SEPTIN3: variants seen among roughly 807,000 people sequenced by gnomAD.
SEPTIN3 encodes neuronal-specific septin-3.
SEPTIN3 carries 15 observed loss-of-function variants against 45.1 expected under a neutral mutation model. The observed-to-expected ratio is 0.33, with a 90% CI of 0.22 to 0.51. The LOEUF is 0.51. SEPTIN3 is among the 20% of genes least tolerant of loss of function. The probability of loss-of-function intolerance (pLI) is 0.97; values close to 1 mark genes in which losing one functional copy is unlikely to be tolerated. For missense variants in SEPTIN3, 289 were observed against 457.2 expected, an observed-to-expected ratio of 0.63 and a Z score of 3.35; for synonymous variants, 148 against 164.8, an observed-to-expected ratio of 0.90 and a Z score of 0.78.
chr22:41,987,420 C>G (rs2078227358), intron 5 of SEPTIN3, 133 bp downstream of exon 5: 1 of 1,086,576 alleles, frequency 9.2e-7, no homozygotes, highest in East Asian at 2.5e-5. Flanking sequence ...CAGGCCAGGG[C>G]CCCTGGGGAG....
At chr22:41,982,263 C>T (rs1009495781) in intron 3 of SEPTIN3, 1 of 165,602 alleles carries the variant, frequency 6.0e-6, no homozygotes, top group Non-Finnish European at 1.3e-5. Context: ...AATCCCAGCA[C>T]TTTGGGAGGC....
intron 2 of SEPTIN3, 39 bp from the exon 3 acceptor site, chr22:41,981,606 C>G: frequency 6.4e-7 from 1 of 1,557,404 alleles, no homozygotes; most frequent in Non-Finnish European, 8.8e-7. Flanking sequence ...TGCCGTCCTC[C>G]TGATCACCCC....
chr22:41,976,942 G>A lies in SEPTIN3; in HGVS notation c.1504+3946G>A. On this transcript the variant is annotated intron_variant, in intron 2 of 11. Transcript: ENST00000644076. The surrounding 1 kb of genome is among the most constrained non-coding windows in gnomAD (Gnocchi z 5.8). ...GCCGCGGGCCGGGCGGGTGGGAGGAGAGCGCGAAGGGGCGAGGCCCGTTTG... is the reference window on the plus strand; with the variant it reads ...GCCGCGGGCCGGGCGGGTGGGAGGAAAGCGCGAAGGGGCGAGGCCCGTTTG... 2 of 792,572 alleles carry A rather than the reference G, an allele frequency of 2.5e-6. No individual in the cohort carries two copies. The highest frequency in any genetic ancestry group is 2.9e-5 in the South Asian group (1 of 33,952). The allele number at this position is 792,572 out of a possible 1,614,324, so 49.1% of individuals were successfully genotyped here. A position where few individuals can be genotyped will look rare whatever the true frequency, so the allele number is the denominator to read the frequency against.
rs1188266577 is a variant in SEPTIN3 at position 41,989,803 on chromosome 22, A to G, written c.2163+119A>G. ...CACCCCCACCCTCAACCCTCCCCCA[A>G]TTCTCCACCCCAGCCCCCTTCTTAA... On this transcript the variant is annotated intron_variant, in intron 7 of 11. Coordinates refer to ENST00000644076, the MANE Select transcript of SEPTIN3 (RefSeq NM_001363845.2). 7.6e-6 allele frequency: 5 copies of G among 661,060 alleles called. 1 individual carries two copies. Among genetic ancestry groups the G allele is most frequent in the South Asian group, 7.4e-5 (4 of 54,196 alleles). The allele number at this position is 661,060 out of a possible 1,614,324, so 40.9% of individuals were successfully genotyped here. A position where few individuals can be genotyped will look rare whatever the true frequency, so the allele number is the denominator to read the frequency against.
At chr22:41,983,580 T>C (rs1602415228) in intron 3 of SEPTIN3, among the ~76,000 whole-genome samples, 1 of 152,212 alleles carries the variant, frequency 6.6e-6, no homozygotes, top group South Asian at 2.1e-4. Flanking sequence ...CCATCTAGCA[T>C]TGTACTCCTC....
At chr22:41,982,655 G>A (rs191654591) in intron 3 of SEPTIN3, among the ~76,000 whole-genome samples, 29 of 152,218 alleles carry the variant, frequency 1.9e-4, no homozygotes, top group Middle Eastern at 6.9e-3. Context: ...TTGGGAGGCC[G>A]AGGTGGGTGG....
chr22:41,984,845 C>CTTTTTT (rs11380985), intron 3 of SEPTIN3, among the ~76,000 whole-genome samples: 21 of 100,688 alleles, frequency 2.1e-4, no homozygotes, highest in East Asian at 4.7e-4. Context: ...GTGGTTTTCC[C>CTTTTTT]TTTTTTTTTT....
Position 41,991,492 on chromosome 22 carries a change from A to C in SEPTIN3, c.2164-81A>C, listed in dbSNP as rs1051583382. On this transcript the variant is annotated intron_variant, in intron 7 of 11. Coordinates refer to ENST00000644076, the MANE Select transcript of SEPTIN3 (RefSeq NM_001363845.2). ...AGGCTGGATTTGGCTCTCTGACCTCAGCTCACGCACACAGGTGCACACACC... is the reference window on the plus strand; with the variant it reads ...AGGCTGGATTTGGCTCTCTGACCTCCGCTCACGCACACAGGTGCACACACC... 1.3e-5 allele frequency: 13 copies of C among 1,002,034 alleles called. No homozygotes were observed. In the Admixed American group the frequency reaches 2.1e-4, roughly 16 times the overall value. The allele number at this position is 1,002,034 out of a possible 1,614,324, so 62.1% of individuals were successfully genotyped here.
At chr22:41,989,126 CAAAA>C (rs71184854) in intron 6 of SEPTIN3, among the ~76,000 whole-genome samples, 7 of 88,586 alleles carry the variant, frequency 7.9e-5, no homozygotes, top group Admixed American at 1.3e-4. Context: ...GACCCTGTCT[CAAAA>C]AAAAAAAAAA....
intron 2 of SEPTIN3, among the ~76,000 whole-genome samples, chr22:41,975,281 C>A (rs928501731): frequency 6.6e-6 from 1 of 152,200 alleles, no homozygotes; most frequent in African/African-American, 2.4e-5. Context: ...TTGTTAAAAT[C>A]TCTACTTTGG....
chr22:41,992,617 A>G, intron 8 of SEPTIN3, 47 bp from the exon 9 acceptor site: 1 of 1,289,604 alleles, frequency 7.8e-7, no homozygotes. Context: ...AGGTTGTTGG[A>G]GGATGACGGT....
intron 4 of SEPTIN3, among the ~76,000 whole-genome samples, chr22:41,986,606 TCTC>T (rs1446277362): frequency 1.3e-5 from 2 of 152,020 alleles, no homozygotes; most frequent in Non-Finnish European, 2.9e-5. Context: ...TTCACGCCAT[TCTC>T]CTGCCTCAGC....
At chr22:41,980,038 C>T (rs1009431840) in intron 2 of SEPTIN3, among the ~76,000 whole-genome samples, 2 of 151,818 alleles carry the variant, frequency 1.3e-5, no homozygotes, top group Non-Finnish European at 2.9e-5. Flanking sequence ...TTCCTTTAAC[C>T]AATGCTTTCA....
intron 2 of SEPTIN3, among the ~76,000 whole-genome samples, chr22:41,978,075 C>A (rs1007811611): frequency 5.9e-5 from 9 of 152,192 alleles, no homozygotes; most frequent in African/African-American, 2.2e-4. Flanking sequence ...CTCTTCCCCA[C>A]CCTTGGGGAG....
Position 41,994,608 on chromosome 22 carries a change from C to T in SEPTIN3, c.2412-13C>T. ...TAATTGCAGCCCTCTTCTTCTCACC[C>T]TGTGTCCTCTAGGACCCACCTCCAG... On this transcript the variant is annotated splice_polypyrimidine_tract_variant and intron_variant, in intron 10 of 11. Coordinates refer to ENST00000644076, the MANE Select transcript of SEPTIN3 (RefSeq NM_001363845.2). This position sits in a 1 kb window ranked among gnomAD's most constrained non-coding sequence, Gnocchi z 4.2. The T allele has an allele frequency of 6.2e-7, 1 of 1,614,034 alleles. No individual in the cohort carries two copies.
intron 3 of SEPTIN3, among the ~76,000 whole-genome samples, chr22:41,984,748 C>T (rs935542572): frequency 2.0e-5 from 3 of 151,746 alleles, no homozygotes; most frequent in Non-Finnish European, 4.4e-5. Flanking sequence ...AGGCTGGTCT[C>T]GAACTCCTGG....
Position 41,987,837 on chromosome 22 carries a change from T to C in SEPTIN3, c.2045+78T>C, listed in dbSNP as rs2078235501. ...GTGCCCATCTGGATTGGATGATCCATACGTTGACTCAGCTAGGCCTCCCTA... is the reference window on the plus strand; with the variant it reads ...GTGCCCATCTGGATTGGATGATCCACACGTTGACTCAGCTAGGCCTCCCTA... On this transcript the variant is annotated intron_variant, in intron 6 of 11. Coordinates refer to ENST00000644076, the MANE Select transcript of SEPTIN3 (RefSeq NM_001363845.2). 7 of 1,487,568 alleles carry C rather than the reference T, an allele frequency of 4.7e-6. No individual in the cohort carries two copies. The Admixed American group carries it at 9.1e-5, about 19-fold the overall frequency. The allele number at this position is 1,487,568 out of a possible 1,614,324, so 92.1% of individuals were successfully genotyped here.
intron 6 of SEPTIN3, 47 bp from the exon 7 acceptor site, chr22:41,989,520 G>T: frequency 7.8e-7 from 1 of 1,277,412 alleles, no homozygotes; most frequent in Non-Finnish European, 1.1e-6. Flanking sequence ...TGGCTGAGTT[G>T]GGGAGGGCAA....
chr22:41,973,809 C>T (rs1353319957), intron 2 of SEPTIN3, among the ~76,000 whole-genome samples: 1 of 151,578 alleles, frequency 6.6e-6, no homozygotes, highest in African/African-American at 2.4e-5. Context: ...GGTGATACCC[C>T]GTCTCTACTA....
Sources: gnomAD v4.1 joint callset for allele counts (sites outside exome capture counted in the v4.1 genomes callset) on GRCh38, gnomAD v4.1.1 for gene constraint, Gnocchi (gnomAD v3.1) non-coding constraint, MANE v1.5 for transcripts, NCBI Gene and HGNC (gene_info 2026-07-23, HGNC 2026-07-21) for gene names.